RBFOX1: variants seen among roughly 807,000 people sequenced by gnomAD.
The protein encoded by RBFOX1 is RNA binding protein fox-1 homolog 1.
RBFOX1 carries 8 observed loss-of-function variants against 57.7 expected under a neutral mutation model. That is an observed-to-expected ratio of 0.14 (90% CI 0.08 to 0.25). The LOEUF is 0.25. Among genes scored for constraint, RBFOX1 ranks in the 10% least tolerant of loss-of-function variants. The probability of loss-of-function intolerance (pLI) is 1.00; values close to 1 mark genes in which losing one functional copy is unlikely to be tolerated. For synonymous variants in RBFOX1, 326 were observed against 222.4 expected, an observed-to-expected ratio of 1.47 and a Z score of -4.15; for missense variants, 611 against 548.5, an observed-to-expected ratio of 1.11 and a Z score of -1.14.
At chr16:6,579,124 G>T (rs900383798) in intron 2 of RBFOX1, among the ~76,000 whole-genome samples, 1 of 152,122 alleles carries the variant, frequency 6.6e-6, no homozygotes, top group Non-Finnish European at 1.5e-5. Context: ...TTCTATTTTG[G>T]TTCTACCTAG....
At chr16:7,667,677 C>T (rs368293326) in intron 13 of RBFOX1, among the ~76,000 whole-genome samples, 2 of 151,690 alleles carry the variant, frequency 1.3e-5, no homozygotes, top group South Asian at 2.1e-4. Context: ...ATTTAAACCT[C>T]TTTTTGTTAT....
chr16:5,550,097 C>T (rs1483903503), intron 2 of RBFOX1, among the ~76,000 whole-genome samples: 4 of 152,154 alleles, frequency 2.6e-5, no homozygotes, highest in Admixed American at 2.0e-4. Flanking sequence ...AGATTGTTCC[C>T]TAATATATCA....
chr16:5,680,946 A>C (rs2050313066), intron 3 of RBFOX1, among the ~76,000 whole-genome samples: 1 of 152,002 alleles, frequency 6.6e-6, no homozygotes, highest in African/African-American at 2.4e-5. Flanking sequence ...AGCAGCTATA[A>C]AATTAGCAAC....
chr16:6,369,043 T>G (rs1351418430), intron 2 of RBFOX1, among the ~76,000 whole-genome samples: 1 of 152,174 alleles, frequency 6.6e-6, no homozygotes. Flanking sequence ...TGGAAAATAA[T>G]GTGAAACAAA....
intron 4 of RBFOX1, among the ~76,000 whole-genome samples, chr16:7,072,023 A>T (rs114856542): frequency 0.01 from 1,535 of 152,278 alleles, 29 homozygotes; most frequent in African/African-American, 0.035. Context: ...ACCTACTCGA[A>T]GTCATAACGA....
chr16:5,703,719 T>C (rs2051136620), intron 3 of RBFOX1, among the ~76,000 whole-genome samples: 1 of 152,120 alleles, frequency 6.6e-6, no homozygotes, highest in Non-Finnish European at 1.5e-5. Flanking sequence ...TATTGCATAA[T>C]TTTTTTACAA....
intron 2 of RBFOX1, among the ~76,000 whole-genome samples, chr16:5,483,470 C>G (rs983713151): frequency 1.3e-5 from 2 of 152,186 alleles, no homozygotes; most frequent in African/African-American, 4.8e-5. Flanking sequence ...AATTCTAAAG[C>G]TCCTTCCGGA....
chr16:6,463,442 T>C (rs191186443), intron 2 of RBFOX1, among the ~76,000 whole-genome samples: 1 of 152,318 alleles, frequency 6.6e-6, no homozygotes, highest in Admixed American at 6.5e-5. Context: ...ACGATAAGAA[T>C]TCCTTACTTT....
intron 2 of RBFOX1, among the ~76,000 whole-genome samples, chr16:6,557,805 C>G (rs1248147606): frequency 6.6e-6 from 1 of 152,122 alleles, no homozygotes; most frequent in East Asian, 1.9e-4. Flanking sequence ...TTTCGTGGTG[C>G]AGGACAAATG....
chr16:7,223,504 C>G (rs2092882772), intron 4 of RBFOX1, among the ~76,000 whole-genome samples: 1 of 152,110 alleles, frequency 6.6e-6, no homozygotes, highest in East Asian at 1.9e-4. Context: ...TGCTTAAGTG[C>G]TTTACCTGTG....
intron 4 of RBFOX1, among the ~76,000 whole-genome samples, chr16:7,506,506 T>C (rs902545427): frequency 2.0e-5 from 3 of 152,176 alleles, no homozygotes; most frequent in Non-Finnish European, 4.4e-5. Context: ...CAGTTCATAA[T>C]TGGTGTGCAA....
intron 1 of RBFOX1, among the ~76,000 whole-genome samples, chr16:5,371,995 C>T (rs2065870151): frequency 6.6e-6 from 1 of 152,156 alleles, no homozygotes. Flanking sequence ...AGAGAGCTGT[C>T]CTCATAAGGG....
intron 3 of RBFOX1, among the ~76,000 whole-genome samples, chr16:6,864,285 T>G (rs2059535483): frequency 6.6e-6 from 1 of 152,132 alleles, no homozygotes; most frequent in African/African-American, 2.4e-5. Context: ...AATAAGAAAT[T>G]AGAGAACACA....
At chr16:7,269,228 C>T (rs1327060185) in intron 4 of RBFOX1, among the ~76,000 whole-genome samples, 1 of 152,020 alleles carries the variant, frequency 6.6e-6, no homozygotes, top group African/African-American at 2.4e-5. Context: ...TTCTTTTTCT[C>T]TTCTCAGTGC....
At chr16:7,172,939 C>T (rs917146662) in intron 4 of RBFOX1, among the ~76,000 whole-genome samples, 2 of 152,108 alleles carry the variant, frequency 1.3e-5, no homozygotes, top group African/African-American at 4.8e-5. Context: ...CAGTTAACTA[C>T]AAAACTAAAA....
intron 3 of RBFOX1, among the ~76,000 whole-genome samples, chr16:7,038,228 C>A (rs1002500835): frequency 1.3e-5 from 2 of 152,004 alleles, no homozygotes; most frequent in Admixed American, 6.6e-5. Flanking sequence ...CATGCCAAGC[C>A]CTTTTAGTTA....
chr16:7,220,976 G>C (rs776046134), intron 4 of RBFOX1, among the ~76,000 whole-genome samples: 1 of 152,128 alleles, frequency 6.6e-6, no homozygotes, highest in Non-Finnish European at 1.5e-5. Flanking sequence ...CACCTGTCCA[G>C]GTAAGACAAG....
intron 4 of RBFOX1, among the ~76,000 whole-genome samples, chr16:7,156,868 A>C (rs1260785808): frequency 1.3e-5 from 2 of 152,140 alleles, no homozygotes; most frequent in African/African-American, 4.8e-5. Context: ...TACTTTTCAT[A>C]GATATTGCTA....
rs568776578 is a variant in RBFOX1, at chr16:6,382,623, G to T, written c.-64+65566G>T. Among the ~76,000 whole-genome samples, 58 of 152,290 alleles carry T rather than the reference G, an allele frequency of 3.8e-4. 1 individual carries two copies. Among genetic ancestry groups the T allele is most frequent in the South Asian group, 6.2e-4 (3 of 4,826 alleles). On this transcript the variant is annotated intron_variant, in intron 2 of 15. Transcript: ENST00000550418. ...GCCTGTAATCCCAGAACTTTGGGAG[G>T]CTGAGGCGGGCAGATCATCTGAGGT...
Sources: allele counts gnomAD v4.1 joint callset (sites outside exome capture counted in the v4.1 genomes callset), GRCh38; gene constraint gnomAD v4.1.1; transcripts MANE v1.5; gene names NCBI Gene and HGNC (gene_info 2026-07-23, HGNC 2026-07-21).